SLC9A2: variants seen among roughly 807,000 people sequenced by gnomAD.
The protein encoded by SLC9A2 is sodium/hydrogen exchanger 2.
In SLC9A2, 42 loss-of-function variants were observed where a neutral mutation model predicts 71.7. The ratio of observed to expected loss-of-function variants is 0.59; its 90% CI spans 0.46 to 0.76. The LOEUF (loss-of-function observed/expected upper bound fraction) is 0.76. SLC9A2 is among the 30% of genes least tolerant of loss of function. The pLI is 0.00. For synonymous variants in SLC9A2, 396 were observed against 392.5 expected, an observed-to-expected ratio of 1.01 and a Z score of -0.10; for missense variants, 829 against 1,017.4, an observed-to-expected ratio of 0.81 and a Z score of 2.52.
At chr2:102,654,177 T>C (rs892498797) in intron 1 of SLC9A2, among the ~76,000 whole-genome samples, 1 of 148,732 alleles carries the variant, frequency 6.7e-6, no homozygotes, top group Non-Finnish European at 1.5e-5. Context: ...GGACTGGCGA[T>C]GCTGCTGTTG....
intron 3 of SLC9A2, among the ~76,000 whole-genome samples, chr2:102,671,625 T>C (rs1262808642): frequency 1.3e-5 from 2 of 152,248 alleles, no homozygotes; most frequent in Non-Finnish European, 2.9e-5. Flanking sequence ...TATTTATTTT[T>C]ATGGTTTAAA....
chr2:102,639,865 CT>C (rs1190314860), intron 1 of SLC9A2, among the ~76,000 whole-genome samples: 1 of 152,156 alleles, frequency 6.6e-6, no homozygotes, highest in Non-Finnish European at 1.5e-5. Context: ...GCTCTTACAA[CT>C]TTAATGAAAT....
chr2:102,695,825 A>ATAATATATAT (rs1441215105), intron 7 of SLC9A2, among the ~76,000 whole-genome samples: 1 of 129,084 alleles, frequency 7.7e-6, no homozygotes, highest in Non-Finnish European at 1.6e-5. Context: ...ATATATATAT[A>ATAATATATAT]AAAAGCTAAA....
At chr2:102,669,843 G>T (rs531673561) in intron 3 of SLC9A2, among the ~76,000 whole-genome samples, 3 of 151,864 alleles carry the variant, frequency 2.0e-5, no homozygotes, top group Non-Finnish European at 4.4e-5. Context: ...TGGACTTCAG[G>T]CTCCTTTCTG....
chr2:102,668,633 T>G (rs1013190166), intron 3 of SLC9A2, among the ~76,000 whole-genome samples: 1 of 152,230 alleles, frequency 6.6e-6, no homozygotes, highest in Non-Finnish European at 1.5e-5. Context: ...CTCAGGACTT[T>G]CCCTTGTTTT....
intron 3 of SLC9A2, among the ~76,000 whole-genome samples, chr2:102,669,069 G>T (rs542463400): frequency 6.6e-6 from 1 of 152,344 alleles, no homozygotes; most frequent in South Asian, 2.1e-4. Flanking sequence ...TCTTTGGAAA[G>T]ATGATGGAAG....
chr2:102,662,349 G>C (rs1282595648), intron 2 of SLC9A2, among the ~76,000 whole-genome samples: 1 of 152,252 alleles, frequency 6.6e-6, no homozygotes, highest in African/African-American at 2.4e-5. Flanking sequence ...TTCCCTCAGA[G>C]AACTCTTCAG....
chr2:102,707,065 C>T lies in SLC9A2; in HGVS notation c.2069-1054C>T, dbSNP rs999911114. On this transcript the variant is annotated intron_variant, in intron 11 of 11. Transcript: ENST00000233969. ...ACATTAGATACACAGGACACAAAGG[C>T]GGGAAAAATAAACACTAGGGATTTC... is the stretch of plus-strand genomic sequence containing the variant. 5.3e-5 allele frequency among the ~76,000 whole-genome samples: 8 copies of T among 151,896 alleles called. No homozygotes were observed. In the South Asian group the frequency reaches 6.2e-4, roughly 12 times the overall value.
rs1677866741 is a variant in SLC9A2 at position 102,701,177 on chromosome 2, T to C, written c.1694T>C (p.Ile565Thr). Residue 565 changes from isoleucine to threonine, a missense_variant, in exon 8 of 12, where the codon ATT becomes ACT. By Grantham distance (89) the Ile-to-Thr change is moderately conservative (BLOSUM62 -1). This residue lies in a region of SLC9A2 where 500 missense variants were observed against 726.3 expected (regional missense o/e 0.69). Transcript: ENST00000233969. ...LYKKLEIKHA[I>T]EMAETGMIST... is the part of the protein sequence containing the mutation. ...AAAAAGCTTGAAATAAAACATGCCA[T>C]TGAGATGGCAGAGACTGGGATGATA... 6.2e-7 allele frequency: 1 copy of C among 1,611,600 alleles called. No individual in the cohort carries two copies. Among genetic ancestry groups the C allele is most frequent in the Admixed American group, 1.7e-5 (1 of 59,470 alleles).
chr2:102,623,534 C>T (rs886611124), intron 1 of SLC9A2, among the ~76,000 whole-genome samples: 1 of 152,094 alleles, frequency 6.6e-6, no homozygotes, highest in African/African-American at 2.4e-5. Flanking sequence ...CTGTGGGACA[C>T]TTTCGTACCC....
intron 1 of SLC9A2, among the ~76,000 whole-genome samples, chr2:102,636,332 G>A (rs1221468561): frequency 6.6e-6 from 1 of 152,218 alleles, no homozygotes; most frequent in Admixed American, 6.5e-5. Flanking sequence ...TGAGCCAACA[G>A]TGTGCAAATA....
intron 1 of SLC9A2, among the ~76,000 whole-genome samples, chr2:102,628,687 A>G (rs1175912590): frequency 6.6e-6 from 1 of 152,010 alleles, no homozygotes; most frequent in Non-Finnish European, 1.5e-5. Flanking sequence ...TTCTCAGTTA[A>G]TAAACTTATG....
chr2:102,672,956 G>A lies in SLC9A2; in HGVS notation c.1004+7606G>A, dbSNP rs1409031959. Among the ~76,000 whole-genome samples the A allele has an allele frequency of 4.6e-5, 7 of 151,776 alleles. No homozygotes were observed. The South Asian group carries it at 6.2e-4, about 14-fold the overall frequency. ...TCTGCAGACTGACTGAAGATCAATC[G>A]AGCCTCTATATTAAGGTCTATAGGT... is the stretch of plus-strand genomic sequence containing the variant. On this transcript the variant is annotated intron_variant, in intron 3 of 11. Coordinates refer to ENST00000233969, the MANE Select transcript of SLC9A2 (RefSeq NM_003048.6).
intron 1 of SLC9A2, among the ~76,000 whole-genome samples, chr2:102,654,533 A>C (rs1043793262): frequency 6.6e-6 from 1 of 152,142 alleles, no homozygotes; most frequent in Non-Finnish European, 1.5e-5. Context: ...TTTTACAGTT[A>C]TATTGCTTTG....
chr2:102,647,924 C>A (rs754760548), intron 1 of SLC9A2, among the ~76,000 whole-genome samples: 5 of 152,196 alleles, frequency 3.3e-5, no homozygotes, highest in African/African-American at 7.2e-5. Flanking sequence ...CAAAGAGGAG[C>A]TGGTACCATT....
At chr2:102,663,298 T>A (rs1374060199) in intron 2 of SLC9A2, among the ~76,000 whole-genome samples, 1 of 152,166 alleles carries the variant, frequency 6.6e-6, no homozygotes, top group African/African-American at 2.4e-5. Flanking sequence ...CACCAACAAT[T>A]AGGGAAAAGG....
In SLC9A2 at chr2:102,708,293, C is replaced by G; in HGVS notation, c.2243C>G (p.Pro748Arg). ...GGCCGAGATATGCCCAGCACCCCCC[C>G]AACACCCCACAGCAGAGAAAAGGGC... ...DSGRDMPSTP[P>R]TPHSREKGTQ... The change falls in exon 12 of 12, where the codon CCA becomes CGA. Residue 748 changes from proline to arginine, a missense_variant. Coordinates refer to ENST00000233969, the MANE Select transcript of SLC9A2 (RefSeq NM_003048.6). 6.2e-7 allele frequency: 1 copy of G among 1,614,164 alleles called. No individual in the cohort carries two copies. The highest frequency in any genetic ancestry group is 8.5e-7 in the Non-Finnish European group (1 of 1,180,016).
intron 7 of SLC9A2, among the ~76,000 whole-genome samples, chr2:102,696,048 T>C (rs1362729376): frequency 3.3e-5 from 5 of 151,750 alleles, no homozygotes; most frequent in African/African-American, 9.7e-5. Flanking sequence ...TCAAGAAATT[T>C]GGTTCAATTC....
chr2:102,703,587 T>C (rs1023296550), intron 9 of SLC9A2, among the ~76,000 whole-genome samples: 1 of 152,138 alleles, frequency 6.6e-6, no homozygotes, highest in Admixed American at 6.5e-5. Flanking sequence ...TTTGCATAAT[T>C]TTGTTAGCCT....
Sources: allele counts gnomAD v4.1 joint callset (sites outside exome capture counted in the v4.1 genomes callset), GRCh38; gene constraint gnomAD v4.1.1; regional missense constraint gnomAD v4.1.1; transcripts MANE v1.5; gene names NCBI Gene and HGNC (gene_info 2026-07-23, HGNC 2026-07-21).